Variants in ASB2 observed in about 807,000 individuals in gnomAD.
The protein encoded by ASB2 is ankyrin repeat and SOCS box protein 2.
ASB2 carries 58 observed loss-of-function variants against 62.4 expected under a neutral mutation model. The ratio of observed to expected loss-of-function variants is 0.93; its 90% CI spans 0.75 to 1.16. ASB2 has a LOEUF of 1.16. Ranked by LOEUF, ASB2 falls within the 50% of genes most tolerant of loss-of-function variation. The pLI is 0.00. For synonymous variants in ASB2, 386 were observed against 385.3 expected, an observed-to-expected ratio of 1.00 and a Z score of -0.02; for missense variants, 928 against 887.9, an observed-to-expected ratio of 1.05 and a Z score of -0.57.
intron 1 of ASB2, chr14:93,973,935 G>T (rs1003847784): frequency 1.3e-5 from 2 of 152,362 alleles, no homozygotes; most frequent in African/African-American, 4.8e-5. Flanking sequence ...AGACAAAGAC[G>T]GCGGACCCTC....
rs3762139 is a variant in ASB2, at chr14:93,959,733, C to T, written c.207-2863G>A. ...TCATGAATTCAGGCACGGTCAGCCTCAGTGAGAGCAGAGAATGGGCTGGCA... is the reference window on the plus strand; with the variant it reads ...TCATGAATTCAGGCACGGTCAGCCTTAGTGAGAGCAGAGAATGGGCTGGCA... On this transcript the variant is annotated intron_variant, in intron 2 of 9. Coordinates refer to ENST00000555019, the MANE Select transcript of ASB2 (RefSeq NM_001202429.2). Among the ~76,000 whole-genome samples the T allele has an allele frequency of 1.1e-4, 16 of 152,080 alleles. No individual in the cohort carries two copies. The East Asian group carries it at 2.9e-3, about 28-fold the overall frequency.
chr14:93,952,039 C>G (rs746864318), intron 5 of ASB2, among the ~76,000 whole-genome samples: 1 of 152,126 alleles, frequency 6.6e-6, no homozygotes, highest in Non-Finnish European at 1.5e-5. Context: ...TCTCTGTGTC[C>G]GTGTCAGTGG....
chr14:93,961,733 C>G (rs993624628), intron 2 of ASB2, among the ~76,000 whole-genome samples: 4 of 152,208 alleles, frequency 2.6e-5, no homozygotes, highest in Non-Finnish European at 5.9e-5. Context: ...GTCTCGGGTC[C>G]TGCATCCACT....
intron 7 of ASB2, among the ~76,000 whole-genome samples, chr14:93,945,484 A>G (rs549066549): frequency 1.3e-5 from 2 of 152,294 alleles, no homozygotes; most frequent in South Asian, 4.1e-4. Context: ...TTTCCATTCT[A>G]TATCCGTACG....
chr14:93,937,601 T>A (rs1888315133), intron 9 of ASB2, 97 bp downstream of exon 9: 1 of 1,233,064 alleles, frequency 8.1e-7, no homozygotes, highest in African/African-American at 1.5e-5. Context: ...AAGCAGCAGG[T>A]GCTCACAGGG....
chr14:93,938,706 T>TAGTTTGGC (rs111885394), intron 8 of ASB2, among the ~76,000 whole-genome samples: 5,274 of 152,172 alleles, frequency 0.035, 284 homozygotes, highest in African/African-American at 0.12. Context: ...ACGAGCCTCT[T>TAGTTTGGC]AGTTTGGCAG....
rs1421392519 is a variant in ASB2 at position 93,936,445 on chromosome 14, C to T, written c.1771+1253G>A. Among the ~76,000 whole-genome samples, 3 of 152,202 alleles carry T rather than the reference C, an allele frequency of 2.0e-5. No homozygotes were observed. The East Asian group carries it at 5.8e-4, about 29-fold the overall frequency. ...AGGACTGATACCTAGGCATAGACTG[C>T]TCCACCCTCTAGTGGCCAAGGATCG... On this transcript the variant is annotated intron_variant, in intron 9 of 9. Transcript: ENST00000555019.
rs537751076 is a variant in ASB2 at position 93,956,966 on chromosome 14, C to T, written c.207-96G>A. The T allele has an allele frequency of 1.0e-5, 16 of 1,577,866 alleles. No homozygotes were observed. In the East Asian group the frequency reaches 3.3e-4, roughly 32 times the overall value. ...GCAGGAATGAGGATGGAGGGAGAGC[C>T]AGGGAGAGACTGACTGACAGACACA... On this transcript the variant is annotated intron_variant, in intron 2 of 9. Coordinates refer to ENST00000555019, the MANE Select transcript of ASB2 (RefSeq NM_001202429.2).
intron 5 of ASB2, among the ~76,000 whole-genome samples, chr14:93,952,581 G>A (rs1244056890): frequency 6.6e-6 from 1 of 152,250 alleles, no homozygotes; most frequent in Non-Finnish European, 1.5e-5. Context: ...GCTTTAGAAT[G>A]TAGTAGTTGA....
intron 7 of ASB2, chr14:93,941,646 A>G: frequency 2.2e-6 from 1 of 455,500 alleles, no homozygotes; most frequent in Non-Finnish European, 4.4e-6. Context: ...CACGGCCAAC[A>G]AATGCTCTGC....
At chr14:93,941,775 C>T (rs1459857951) in intron 7 of ASB2, 10 of 438,226 alleles carry the variant, frequency 2.3e-5, no homozygotes, top group Admixed American at 7.7e-5. Flanking sequence ...CAGTTCTCCA[C>T]GAACCAAGGG....
rs1889217878 is a variant in ASB2 at position 93,956,616 on chromosome 14, GGGGGCACCCC to G, written c.311+140_311+149del. 100 of 1,057,112 alleles carry G rather than the reference GGGGGCACCCC, an allele frequency of 9.5e-5. 1 individual carries two copies. The East Asian group carries it at 2.6e-3, about 27-fold the overall frequency. The allele number at this position is 1,057,112 out of a possible 1,614,324, so 65.5% of individuals were successfully genotyped here. A position where few individuals can be genotyped will look rare whatever the true frequency, so the allele number is the denominator to read the frequency against. On this transcript the variant is annotated intron_variant, in intron 3 of 9. Transcript: ENST00000555019. ...CTCAGCAGGAGCAGTGGGGCCCCAG[GGGGGCACCCC>G]TAGAAGGAGCGTGCCTGGCAGGTGC...
intron 7 of ASB2, among the ~76,000 whole-genome samples, chr14:93,944,622 G>C (rs897661606): frequency 6.6e-6 from 1 of 152,244 alleles, no homozygotes; most frequent in African/African-American, 2.4e-5. Flanking sequence ...GGCTCTGCCT[G>C]GTGGCAGAAG....
Position 93,939,116 on chromosome 14 carries a change from C to G in ASB2, c.1609G>C (p.Val537Leu). 1 of 1,511,856 alleles carries G rather than the reference C, an allele frequency of 6.6e-7. No homozygotes were observed. Among genetic ancestry groups the G allele is most frequent in the East Asian group, 2.4e-5 (1 of 41,338 alleles). 93.7% of individuals were successfully genotyped at this position (1,511,856 alleles called of 1,614,324 possible). A position where few individuals can be genotyped will look rare whatever the true frequency, so the allele number is the denominator to read the frequency against. Reference sequence around the variant, plus strand: ...CAGCGTGCGCTGCCCACCTGCACCACGCTGGGCTCCTTGTCGGCCGCGGGC... The same window carrying G: ...CAGCGTGCGCTGCCCACCTGCACCAGGCTGGGCTCCTTGTCGGCCGCGGGC... ...DAPAADKEPSVVQFCEFVSAP... is the reference protein window; with the variant it reads ...DAPAADKEPSLVQFCEFVSAP... Residue 537 changes from valine to leucine, a missense_variant, in exon 8 of 10, where the codon GTG becomes CTG. Coordinates refer to ENST00000555019, the MANE Select transcript of ASB2 (RefSeq NM_001202429.2).
At position 93,953,516 on chromosome 14, in the gene ASB2, G is replaced by A. The variant is rs1171411888; in HGVS notation, c.479-9C>T. 3 of 1,560,936 alleles carry A rather than the reference G, an allele frequency of 1.9e-6. No individual in the cohort carries two copies. The highest frequency in any genetic ancestry group is 2.3e-5 in the South Asian group (2 of 86,728). On this transcript the variant is annotated splice_polypyrimidine_tract_variant and intron_variant, in intron 4 of 9. Coordinates refer to ENST00000555019, the MANE Select transcript of ASB2 (RefSeq NM_001202429.2). ...GATGGTCCCTGGGTACGCTAGGGAG[G>A]GCCCACCGGGAAATTCATGTAGGAG...
At chr14:93,962,458 C>A (rs1326222245) in intron 2 of ASB2, among the ~76,000 whole-genome samples, 1 of 152,172 alleles carries the variant, frequency 6.6e-6, no homozygotes. Flanking sequence ...GGTTTCAGGT[C>A]ACTCCTAGAG....
chr14:93,963,325 A>G (rs1889473135), intron 2 of ASB2, among the ~76,000 whole-genome samples: 1 of 151,712 alleles, frequency 6.6e-6, no homozygotes, highest in South Asian at 2.1e-4. Context: ...TCAAAGTAAC[A>G]CCAACACAAT....
At chr14:93,943,927 AG>A (rs1211761381) in intron 7 of ASB2, 56 of 447,340 alleles carry the variant, frequency 1.3e-4, no homozygotes, top group Non-Finnish European at 1.0e-4. Context: ...GATAAAATAC[AG>A]CAAAAGTGTT....
rs72700333 is a variant in ASB2, at chr14:93,956,398, C to T, written c.311+368G>A. On this transcript the variant is annotated intron_variant, in intron 3 of 9. Transcript: ENST00000555019. ...GGTGCAGCCAACTCATCAAGTTCAA[C>T]TCCAAGCTCTCCTGGGCCTCTGGGG... 7.1e-3 allele frequency among the ~76,000 whole-genome samples: 1,083 copies of T among 152,358 alleles called. 9 individuals carry two copies. Among genetic ancestry groups the T allele is most frequent in the Middle Eastern group, 0.014 (4 of 294 alleles).
Sources: allele counts gnomAD v4.1 joint callset (sites outside exome capture counted in the v4.1 genomes callset), GRCh38; gene constraint gnomAD v4.1.1; transcripts MANE v1.5; gene names NCBI Gene and HGNC (gene_info 2026-07-23, HGNC 2026-07-21).